MAP3K4: variants seen among roughly 807,000 people sequenced by gnomAD.
MAP3K4 encodes the protein MAP three kinase 1.
Under a neutral mutation model 185.6 loss-of-function variants are expected in MAP3K4, and 67 were observed. The observed-to-expected ratio is 0.36, with a 90% CI of 0.30 to 0.44. MAP3K4 has a LOEUF of 0.44. Among genes scored for constraint, MAP3K4 ranks in the 20% least tolerant of loss-of-function variants. MAP3K4 has a pLI of 1.00. For synonymous variants in MAP3K4, 702 were observed against 710.4 expected (o/e 0.99, Z 0.19); for missense variants, 1,551 against 1,995.1 (o/e 0.78, Z 4.24).
At chr6:161,050,516 A>G (rs1783954680) in intron 3 of MAP3K4, among the ~76,000 whole-genome samples, 1 of 152,204 alleles carries the variant, frequency 6.6e-6, no homozygotes, top group Non-Finnish European at 1.5e-5. Flanking sequence ...TCGCAAGGTT[A>G]AAGTGTTCGG....
rs575465831 is a variant in MAP3K4, at chr6:161,117,263, T to G, written c.*393T>G. On this transcript the variant is annotated 3_prime_UTR_variant, in exon 27 of 27. Transcript: ENST00000392142. ...TCTCCTGTTTGTTGAGTGCACTGAC[T>G]GTGAAACCTTTACCTTTTTTGTTGT... is the stretch of plus-strand genomic sequence containing the variant. 93 of 180,834 alleles carry G rather than the reference T, an allele frequency of 5.1e-4. No individual in the cohort carries two copies. The highest frequency in any genetic ancestry group is 2.1e-3 in the African/African-American group (90 of 42,864). The allele number at this position is 180,834 out of a possible 1,614,324, so 11.2% of individuals were successfully genotyped here. A position where few individuals can be genotyped will look rare whatever the true frequency, so the allele number is the denominator to read the frequency against.
rs1195305972 is a variant in MAP3K4 at position 161,108,817 on chromosome 6, A to G, written c.4194A>G (p.Lys1398=). The change falls in exon 22 of 27, where the codon AAA becomes AAG. Residue 1398 remains lysine (K), a synonymous_variant. Coordinates refer to ENST00000392142, the MANE Select transcript of MAP3K4 (RefSeq NM_005922.4). This position sits in a 1 kb window ranked among gnomAD's most constrained non-coding sequence, Gnocchi z 5.7. ...ADELKIFEGI[K]HPNLVRYFGV... is the part of the protein sequence containing the mutation. ...AATTGAAAATATTCGAAGGCATCAA[A>G]CACCCCAATCTGGTTCGGTATTTTG... The G allele has an allele frequency of 3.1e-6, 5 of 1,613,978 alleles. No homozygotes were observed. The highest frequency in any genetic ancestry group is 4.2e-6 in the Non-Finnish European group (5 of 1,179,998).
Position 161,080,506 on chromosome 6 carries a change from G to A in MAP3K4, c.2098-375G>A, listed in dbSNP as rs565203062. Reference sequence around the variant, plus strand: ...ACATAAGGCACCATTTCAAGCTAAAGTAGGTCATTAAGTGAAGATCCTAAC... The same window carrying A: ...ACATAAGGCACCATTTCAAGCTAAAATAGGTCATTAAGTGAAGATCCTAAC... On this transcript the variant is annotated intron_variant, in intron 5 of 26. Transcript: ENST00000392142. This position sits in a 1 kb window ranked among gnomAD's most constrained non-coding sequence, Gnocchi z 4.8. Among the ~76,000 whole-genome samples, 1 of 152,320 alleles carries A rather than the reference G, an allele frequency of 6.6e-6. No individual in the cohort carries two copies. The highest frequency in any genetic ancestry group is 2.1e-4 in the South Asian group (1 of 4,834).
rs12110854 is a variant in MAP3K4 at position 161,054,231 on chromosome 6, T to G, written c.1707+4252T>G. Among the ~76,000 whole-genome samples, 3,790 of 152,214 alleles carry G rather than the reference T, an allele frequency of 0.025. 171 individuals carry two copies. The highest frequency in any genetic ancestry group is 0.087 in the African/African-American group (3,620 of 41,518). On this transcript the variant is annotated intron_variant, in intron 3 of 26. Transcript: ENST00000392142. The surrounding 1 kb of genome is among the most constrained non-coding windows in gnomAD (Gnocchi z 4.2). The stretch of plus-strand genomic sequence containing the variant: ...GTGCAATGGCGCTATCTCAGCTCCC[T>G]GAGACCTTTGCCTTGGGGGTTCAGG...
In MAP3K4 at chr6:161,098,340, CT is replaced by C. The variant is rs779288228; in HGVS notation, c.3588del (p.Ala1197LeufsTer42). On this transcript the variant is annotated frameshift_variant, in exon 17 of 27. Coordinates refer to ENST00000392142, the MANE Select transcript of MAP3K4 (RefSeq NM_005922.4). LOFTEE classifies it high-confidence loss of function. The surrounding 1 kb of genome is among the most constrained non-coding windows in gnomAD (Gnocchi z 4.4). Reference sequence around the variant, plus strand: ...AGCCCTGCTGCTGCTGCTGCTGCTGCTGCTGCTGCTGTTGCTGCCAGTCGGC... The same window carrying C: ...AGCCCTGCTGCTGCTGCTGCTGCTGCGCTGCTGCTGTTGCTGCCAGTCGGC... ...HGSPAAAAAAAAAAVAASRPS... is the reference protein window; with the variant it reads ...HGSPAAAAAAXAAAVAASRPS... 6.8e-6 allele frequency: 11 copies of C among 1,611,860 alleles called. No homozygotes were observed. Among genetic ancestry groups the C allele is most frequent in the Non-Finnish European group, 9.3e-6 (11 of 1,179,474 alleles).
At chr6:161,102,651 C>T (rs1668970436) in intron 18 of MAP3K4, 48 bp from the exon 19 acceptor site, 8 of 1,220,286 alleles carry the variant, frequency 6.6e-6, no homozygotes, top group Non-Finnish European at 9.2e-6. Context: ...CTCAAATAAG[C>T]ATATTTATTT....
intron 6 of MAP3K4, among the ~76,000 whole-genome samples, chr6:161,081,341 C>T (rs1469624489): frequency 6.6e-6 from 1 of 152,070 alleles, no homozygotes; most frequent in Non-Finnish European, 1.5e-5. Context: ...CAGAACAGCC[C>T]CACAACAGAA....
intron 1 of MAP3K4, among the ~76,000 whole-genome samples, chr6:161,023,110 C>G (rs1201715350): frequency 6.6e-6 from 1 of 152,156 alleles, no homozygotes; most frequent in Non-Finnish European, 1.5e-5. Context: ...TGGAGTTTAA[C>G]TAGTACAGAA....
In MAP3K4 at chr6:161,112,899, T is replaced by TA; in HGVS notation, c.4626+126dup. Reference sequence around the variant, plus strand: ...ACACTAAATAGCGAACGATATTAGATACAAAAATCTGATCCATCAAAAGAT... The same window carrying TA: ...ACACTAAATAGCGAACGATATTAGATAACAAAAATCTGATCCATCAAAAGAT... On this transcript the variant is annotated intron_variant, in intron 25 of 26. Coordinates refer to ENST00000392142, the MANE Select transcript of MAP3K4 (RefSeq NM_005922.4). This position sits in a 1 kb window ranked among gnomAD's most constrained non-coding sequence, Gnocchi z 5.1. 2.0e-6 allele frequency: 1 copy of TA among 508,260 alleles called. No homozygotes were observed. The highest frequency in any genetic ancestry group is 3.3e-6 in the Non-Finnish European group (1 of 307,672). The allele number at this position is 508,260 out of a possible 1,614,324, so 31.5% of individuals were successfully genotyped here. A position where few individuals can be genotyped will look rare whatever the true frequency, so the allele number is the denominator to read the frequency against.
chr6:161,043,853 C>T lies in MAP3K4; in HGVS notation c.344-4763C>T, dbSNP rs1583158540. ...TACTTAAAGATTATCCATCTGTTTA[C>T]ATCTCATTTGAGAGCTCAAATAAGG... On this transcript the variant is annotated intron_variant, in intron 2 of 26. Transcript: ENST00000392142. This position sits in a 1 kb window ranked among gnomAD's most constrained non-coding sequence, Gnocchi z 4.3. 6.6e-6 allele frequency among the ~76,000 whole-genome samples: 1 copy of T among 152,284 alleles called. No homozygotes were observed. The highest frequency in any genetic ancestry group is 2.1e-4 in the South Asian group (1 of 4,822).
chr6:160,992,976 C>T (rs531110019), intron 1 of MAP3K4, among the ~76,000 whole-genome samples: 2 of 152,198 alleles, frequency 1.3e-5, no homozygotes, highest in Admixed American at 6.5e-5. Context: ...ATGAAAATAC[C>T]TCGGCAGCTC....
rs752647835 is a variant in MAP3K4 at position 161,092,072 on chromosome 6, T to C, written c.3198T>C (p.Tyr1066=). 6 of 1,613,776 alleles carry C rather than the reference T, an allele frequency of 3.7e-6. No individual in the cohort carries two copies. Among genetic ancestry groups the C allele is most frequent in the Admixed American group, 1.7e-5 (1 of 60,022 alleles). Residue 1066 remains tyrosine, a synonymous_variant, in exon 13 of 27, where the codon TAT becomes TAC. Transcript: ENST00000392142. ...TTAGACAGAAGATAGGAGACAAATA[T>C]ATAAGCTTTGCCCGGAAGTGGATGA... is the stretch of plus-strand genomic sequence containing the variant. ...GEFRQKIGDK[Y]ISFARKWMNY...
intron 3 of MAP3K4, among the ~76,000 whole-genome samples, chr6:161,050,737 G>T (rs1204832067): frequency 6.6e-6 from 1 of 152,190 alleles, no homozygotes; most frequent in Non-Finnish European, 1.5e-5. Flanking sequence ...ATTCTTGAGA[G>T]TCCAAAATAG....
chr6:160,996,721 GC>G lies in MAP3K4; in HGVS notation c.152+4641del, dbSNP rs149417702. 2.7e-3 allele frequency among the ~76,000 whole-genome samples: 408 copies of G among 152,266 alleles called. 1 individual carries two copies. Among genetic ancestry groups the G allele is most frequent in the African/African-American group, 9.5e-3 (395 of 41,530 alleles). ...GCACTCCCTTGGCACGATAATCAAG[GC>G]CCAGACACTCACTGTGCTTGGCTTC... On this transcript the variant is annotated intron_variant, in intron 1 of 26. Coordinates refer to ENST00000392142, the MANE Select transcript of MAP3K4 (RefSeq NM_005922.4). This position sits in a 1 kb window ranked among gnomAD's most constrained non-coding sequence, Gnocchi z 4.5.
rs1380013891 is a variant in MAP3K4 at position 161,063,227 on chromosome 6, T to C, written c.1708-7381T>C. On this transcript the variant is annotated intron_variant, in intron 3 of 26. Transcript: ENST00000392142. The surrounding 1 kb of genome is among the most constrained non-coding windows in gnomAD (Gnocchi z 5.4). ...AGGTTTTTTTTCTAATTCTAATTTT[T>C]GTCATTATTTTATATTTTTTATGAT... Among the ~76,000 whole-genome samples the C allele has an allele frequency of 6.6e-6, 1 of 152,094 alleles. No homozygotes were observed. The highest frequency in any genetic ancestry group is 1.5e-5 in the Non-Finnish European group (1 of 68,006).
In MAP3K4 at chr6:161,098,303, C is replaced by T. The variant is rs1277040076; in HGVS notation, c.3550C>T (p.Arg1184Trp). The T allele has an allele frequency of 9.3e-6, 15 of 1,608,178 alleles. No homozygotes were observed. The highest frequency in any genetic ancestry group is 3.4e-5 in the Admixed American group (2 of 59,134). The change falls in exon 17 of 27, where the codon CGG (arginine) becomes TGG (tryptophan). Residue 1184 changes from arginine (R) to tryptophan (W), a missense_variant. Arg to Trp is a moderately radical substitution (Grantham distance 101). Transcript: ENST00000392142. The surrounding 1 kb of genome is among the most constrained non-coding windows in gnomAD (Gnocchi z 4.4). ...FSTRSMPSDA[R>W]SHGSPAAAAA... Reference sequence around the variant, plus strand: ...CACTCGGAGCATGCCTTCCGACGCGCGGAGCCATGGCAGCCCTGCTGCTGC... The same window carrying T: ...CACTCGGAGCATGCCTTCCGACGCGTGGAGCCATGGCAGCCCTGCTGCTGC...
rs181459644 is a variant in MAP3K4, at chr6:161,115,451, T to C, written c.4806+149T>C. The C allele has an allele frequency of 3.9e-5, 31 of 804,984 alleles. No individual in the cohort carries two copies. The East Asian group carries it at 7.6e-4, about 20-fold the overall frequency. 49.9% of individuals were successfully genotyped at this position (804,984 alleles called of 1,614,324 possible). A position where few individuals can be genotyped will look rare whatever the true frequency, so the allele number is the denominator to read the frequency against. Reference sequence around the variant, plus strand: ...TATTATTATGCCAGGGATTTTTGTATGTGTTTTTTCATTTGGAAAATGTTC... The same window carrying C: ...TATTATTATGCCAGGGATTTTTGTACGTGTTTTTTCATTTGGAAAATGTTC... On this transcript the variant is annotated intron_variant, in intron 26 of 26. Transcript: ENST00000392142. This position sits in a 1 kb window ranked among gnomAD's most constrained non-coding sequence, Gnocchi z 6.0.
Position 161,070,611 on chromosome 6 carries a change from T to C in MAP3K4, c.1711T>C (p.Ser571Pro). ...LVKNDRPVEF[S>P]EFPDPMWGSD... ...GCCTGTTGAATTTTTGTTATAGTTT[T>C]CTGAATTTCCAGATCCCATGTGGGG... Residue 571 changes from serine (S) to proline (P), a missense_variant, in exon 4 of 27, where the codon TCT becomes CCT. Physicochemically the swap from Ser to Pro is moderately conservative, Grantham distance 74. This residue lies in a region of MAP3K4 where 86 missense variants were observed against 81.6 expected (regional missense o/e 1.05). Transcript: ENST00000392142. This position sits in a 1 kb window ranked among gnomAD's most constrained non-coding sequence, Gnocchi z 4.5. 1.2e-6 allele frequency: 2 copies of C among 1,612,560 alleles called. No individual in the cohort carries two copies. Among genetic ancestry groups the C allele is most frequent in the South Asian group, 1.1e-5 (1 of 90,858 alleles).
At position 161,089,482 on chromosome 6, in the gene MAP3K4, G is replaced by A; in HGVS notation, c.2973+11G>A. 1 of 1,613,238 alleles carries A rather than the reference G, an allele frequency of 6.2e-7. No individual in the cohort carries two copies. Among genetic ancestry groups the A allele is most frequent in the South Asian group, 1.1e-5 (1 of 90,890 alleles). On this transcript the variant is annotated intron_variant, in intron 11 of 26. Coordinates refer to ENST00000392142, the MANE Select transcript of MAP3K4 (RefSeq NM_005922.4). ...TTGCAGCAGCTGAAGGTATTACACT[G>A]TCCTCTACATTAGCTGAGATTTTTC...
Sources: allele counts gnomAD v4.1 joint callset (sites outside exome capture counted in the v4.1 genomes callset), GRCh38; gene constraint gnomAD v4.1.1; regional missense constraint gnomAD v4.1.1; non-coding constraint Gnocchi (gnomAD v3.1); transcripts MANE v1.5; gene names NCBI Gene and HGNC (gene_info 2026-07-23, HGNC 2026-07-21).